The following USP25 variants were observed in gnomAD, a reference collection of about 807,000 sequenced individuals.
USP25 encodes the protein ubiquitin carboxyl-terminal hydrolase 25.
A neutral mutation model predicts 158.5 loss-of-function variants in USP25; 85 were observed. The ratio of observed to expected loss-of-function variants is 0.54; its 90% CI spans 0.45 to 0.64. The LOEUF (loss-of-function observed/expected upper bound fraction) is 0.64, where lower values mean the gene tolerates loss of function less well. Ranked by LOEUF, USP25 falls within the 30% of genes least tolerant of loss-of-function variation. The probability of loss-of-function intolerance (pLI) is 0.00; values close to 1 mark genes in which losing one functional copy is unlikely to be tolerated. For synonymous variants in USP25, 464 were observed against 460.4 expected (o/e 1.01, Z -0.10); for missense variants, 1,242 against 1,327.3 (o/e 0.94, Z 1.00).
At chr21:15,811,283 T>C in intron 9 of USP25, 73 bp downstream of exon 9, 1 of 1,372,522 alleles carries the variant, frequency 7.3e-7, no homozygotes, top group Non-Finnish European at 1.0e-6. Flanking sequence ...CGATAGTTAC[T>C]ATTTTTTTAG....
intron 2 of USP25, among the ~76,000 whole-genome samples, chr21:15,765,495 A>G (rs1489538764): frequency 1.3e-5 from 2 of 151,984 alleles, no homozygotes; most frequent in African/African-American, 4.8e-5. Flanking sequence ...ATAATTCCAT[A>G]TTATCAAGCC....
At chr21:15,850,869 G>T (rs2038854359) in intron 20 of USP25, among the ~76,000 whole-genome samples, 1 of 151,890 alleles carries the variant, frequency 6.6e-6, no homozygotes, top group African/African-American at 2.4e-5. Flanking sequence ...GGATTTCCTG[G>T]ACTACAGGAT....
chr21:15,790,960 A>G (rs2035558248), intron 4 of USP25, among the ~76,000 whole-genome samples: 1 of 151,894 alleles, frequency 6.6e-6, no homozygotes, highest in African/African-American at 2.4e-5. Flanking sequence ...CAGTGAACAT[A>G]CAGGTTTTCT....
intron 3 of USP25, among the ~76,000 whole-genome samples, chr21:15,768,169 T>G (rs993731992): frequency 1.3e-5 from 2 of 152,110 alleles, no homozygotes; most frequent in Admixed American, 6.6e-5. Flanking sequence ...TCATATTGAG[T>G]AAATTGCTTG....
At chr21:15,858,785 G>A (rs534693530) in intron 20 of USP25, among the ~76,000 whole-genome samples, 4 of 151,884 alleles carry the variant, frequency 2.6e-5, no homozygotes, top group East Asian at 1.9e-4. Flanking sequence ...TTTTGGTTCC[G>A]CTTTATGAAT....
chr21:15,785,502 A>G (rs1258000092), intron 4 of USP25, among the ~76,000 whole-genome samples: 1 of 152,218 alleles, frequency 6.6e-6, no homozygotes, highest in East Asian at 1.9e-4. Context: ...ATAAAGCTAG[A>G]AATCAACAAC....
intron 24 of USP25, 150 bp from the exon 25 acceptor site, chr21:15,877,646 A>G: frequency 5.2e-6 from 3 of 578,968 alleles, no homozygotes; most frequent in Non-Finnish European, 8.8e-6. Context: ...TTTCAGTTCT[A>G]GATAGGTTGA....
At chr21:15,767,648 C>T (rs972144088) in intron 3 of USP25, among the ~76,000 whole-genome samples, 1 of 151,676 alleles carries the variant, frequency 6.6e-6, no homozygotes, top group Non-Finnish European at 1.5e-5. Context: ...TTCAAAGTTC[C>T]AAGACTCGAG....
At chr21:15,821,008 T>C (rs1166738416) in intron 10 of USP25, among the ~76,000 whole-genome samples, 1 of 152,016 alleles carries the variant, frequency 6.6e-6, no homozygotes. Context: ...ATTTTAACTT[T>C]TAAATGGTAT....
At chr21:15,868,820 G>A (rs2039764944) in intron 22 of USP25, among the ~76,000 whole-genome samples, 1 of 152,090 alleles carries the variant, frequency 6.6e-6, no homozygotes, top group Non-Finnish European at 1.5e-5. Context: ...AACTTCTAAG[G>A]TGATTCTAAT....
intron 2 of USP25, among the ~76,000 whole-genome samples, chr21:15,765,660 G>T (rs186775712): frequency 6.6e-6 from 1 of 151,920 alleles, no homozygotes; most frequent in Non-Finnish European, 1.5e-5. Flanking sequence ...GCACTCTTTC[G>T]TATGGCAAGT....
chr21:15,795,568 C>G (rs2035820394), intron 5 of USP25, among the ~76,000 whole-genome samples: 1 of 151,458 alleles, frequency 6.6e-6, no homozygotes, highest in African/African-American at 2.4e-5. Context: ...AAAAGTAAGT[C>G]TAGAGAAATG....
Position 15,781,537 on chromosome 21 carries a change from A to G in USP25, c.392+3510A>G, listed in dbSNP as rs562989901. Among the ~76,000 whole-genome samples, 23 of 152,266 alleles carry G rather than the reference A, an allele frequency of 1.5e-4. 1 individual carries two copies. The South Asian group carries it at 4.8e-3, about 32-fold the overall frequency. On this transcript the variant is annotated intron_variant, in intron 4 of 25. Transcript: ENST00000400183. ...TTTCCCTCACAAAAAAGGAACCAAA[A>G]CAACGAATAAGTTTATTTTGTCTGG...
chr21:15,730,882 C>A (rs2030769255), intron 1 of USP25, among the ~76,000 whole-genome samples: 1 of 151,130 alleles, frequency 6.6e-6, no homozygotes, highest in East Asian at 2.0e-4. Flanking sequence ...ACCTGCCTCG[C>A]GGGGCAGGCG....
At chr21:15,767,567 T>G (rs2123436671) in intron 3 of USP25, among the ~76,000 whole-genome samples, 1 of 152,196 alleles carries the variant, frequency 6.6e-6, no homozygotes, top group South Asian at 2.1e-4. Flanking sequence ...GTTGAGAAGC[T>G]TGTTGCAAAA....
chr21:15,767,264 TTACA>T (rs926156077), intron 3 of USP25, among the ~76,000 whole-genome samples: 20 of 152,064 alleles, frequency 1.3e-4, no homozygotes, highest in African/African-American at 4.6e-4. Flanking sequence ...TTCTCTGTCT[TTACA>T]TTTGCTGTTC....
chr21:15,761,411 G>A (rs188110252), intron 1 of USP25, among the ~76,000 whole-genome samples: 2 of 152,268 alleles, frequency 1.3e-5, no homozygotes, highest in African/African-American at 4.8e-5. Flanking sequence ...GCCGGTGCCA[G>A]GGAAAGGCAG....
At chr21:15,751,437 G>T (rs981351231) in intron 1 of USP25, among the ~76,000 whole-genome samples, 12 of 152,184 alleles carry the variant, frequency 7.9e-5, no homozygotes, top group African/African-American at 2.9e-4. Flanking sequence ...TCTACTTAGA[G>T]CACGTTTATT....
Position 15,831,591 on chromosome 21 carries a change from T to C in USP25, c.1955T>C (p.Leu652Ser). 2 of 1,613,948 alleles carry C rather than the reference T, an allele frequency of 1.2e-6. No homozygotes were observed. Among genetic ancestry groups the C allele is most frequent in the Non-Finnish European group, 1.7e-6 (2 of 1,179,904 alleles). The change falls in exon 16 of 26, where the codon TTA becomes TCA. Residue 652 changes from leucine (L) to serine (S), a missense_variant. By Grantham distance (145) the Leu-to-Ser change is moderately radical. This residue lies in a region of USP25 where 608 missense variants were observed against 605.2 expected (regional missense o/e 1.00). Transcript: ENST00000400183. ...TATAGAAATGCCAGTGCATACTGTT[T>C]AATGTACATAAATGATAAGGCACAG... ...GGYRNASAYC[L>S]MYINDKAQFL...
Sources: allele counts gnomAD v4.1 joint callset (sites outside exome capture counted in the v4.1 genomes callset), GRCh38; gene constraint gnomAD v4.1.1; regional missense constraint gnomAD v4.1.1; transcripts MANE v1.5; gene names NCBI Gene and HGNC (gene_info 2026-07-23, HGNC 2026-07-21).